ADGRA2: variants seen among roughly 807,000 people sequenced by gnomAD.
ADGRA2 encodes adhesion G protein-coupled receptor A2.
ADGRA2 carries 61 observed loss-of-function variants against 98.7 expected under a neutral mutation model. That is an observed-to-expected ratio of 0.62 (90% CI 0.50 to 0.76). The LOEUF (loss-of-function observed/expected upper bound fraction) is 0.76, where lower values mean the gene tolerates loss of function less well. ADGRA2 is among the 30% of genes least tolerant of loss of function. The pLI, the probability that ADGRA2 is intolerant of heterozygous loss-of-function variation, is 0.00. For synonymous variants in ADGRA2, 858 were observed against 831.5 expected (o/e 1.03, Z -0.55); for missense variants, 1,712 against 1,860.0 (o/e 0.92, Z 1.46).
rs1804371107 is a variant in ADGRA2 at position 37,797,598 on chromosome 8, G to A, written c.266+64G>A. 2 of 1,256,860 alleles carry A rather than the reference G, an allele frequency of 1.6e-6. No individual in the cohort carries two copies. Among genetic ancestry groups the A allele is most frequent in the Admixed American group, 4.0e-5 (1 of 25,202 alleles). 77.9% of individuals were successfully genotyped at this position (1,256,860 alleles called of 1,614,324 possible). On this transcript the variant is annotated intron_variant, in intron 1 of 18. Coordinates refer to ENST00000412232, the MANE Select transcript of ADGRA2 (RefSeq NM_032777.10). This position sits in a 1 kb window ranked among gnomAD's most constrained non-coding sequence, Gnocchi z 5.3. ...CTGGGGACGAAGGGAGGCGAGACGG[G>A]AGGGGTGGGAGCAGGGGGAAGGGGG...
At chr8:37,833,908 C>A (rs1297897103) in intron 10 of ADGRA2, 59 bp from the exon 11 acceptor site, 11 of 1,605,022 alleles carry the variant, frequency 6.9e-6, no homozygotes, top group Non-Finnish European at 9.4e-6. Flanking sequence ...CTCTCTCTCA[C>A]TCCAGCTCCT....
In ADGRA2 at chr8:37,797,466, G is replaced by A; in HGVS notation, c.198G>A (p.Val66=). 2.1e-6 allele frequency: 3 copies of A among 1,425,764 alleles called. No homozygotes were observed. In the South Asian group the frequency reaches 4.8e-5, roughly 23 times the overall value. The allele number at this position is 1,425,764 out of a possible 1,614,324, so 88.3% of individuals were successfully genotyped here. A position where few individuals can be genotyped will look rare whatever the true frequency, so the allele number is the denominator to read the frequency against. ...TCCCTGGCCCGGCTCGGCGGAGGGT[G>A]GTGTGCAGCGGCGGGGACCTCCCGG... The part of the protein sequence containing the change: ...GGVPGPARRR[V]VCSGGDLPEP... The change falls in exon 1 of 19, where the codon GTG becomes GTA. Residue 66 remains valine (V), a synonymous_variant. Coordinates refer to ENST00000412232, the MANE Select transcript of ADGRA2 (RefSeq NM_032777.10). This position sits in a 1 kb window ranked among gnomAD's most constrained non-coding sequence, Gnocchi z 5.3.
chr8:37,841,948 C>T lies in ADGRA2; in HGVS notation c.3610C>T (p.Leu1204=). The change falls in exon 19 of 19, where the codon CTG becomes TTG. Residue 1204 remains leucine (L), a synonymous_variant. Coordinates refer to ENST00000412232, the MANE Select transcript of ADGRA2 (RefSeq NM_032777.10). The surrounding 1 kb of genome is among the most constrained non-coding windows in gnomAD (Gnocchi z 5.0). ...CTGCGGCAAGAACCGGCTCAAGGCC[C>T]TGCGCGGGGGCGCGGCGGGGGCGCT... ...EACGKNRLKA[L]RGGAAGALEL... The T allele has an allele frequency of 6.6e-7, 1 of 1,509,200 alleles. No individual in the cohort carries two copies. The allele number at this position is 1,509,200 out of a possible 1,614,324, so 93.5% of individuals were successfully genotyped here.
chr8:37,822,314 C>A (rs1805148659), intron 2 of ADGRA2, among the ~76,000 whole-genome samples: 1 of 151,872 alleles, frequency 6.6e-6, no homozygotes, highest in African/African-American at 2.4e-5. Context: ...GTTTTCAAAC[C>A]CACAAGCAGG....
At chr8:37,807,816 T>TCCCTAG (rs1804721866) in intron 1 of ADGRA2, among the ~76,000 whole-genome samples, 3 of 152,132 alleles carry the variant, frequency 2.0e-5, no homozygotes, top group Non-Finnish European at 2.9e-5. Flanking sequence ...CTAGGGAGTA[T>TCCCTAG]GGATATCCCA....
chr8:37,804,353 T>G (rs1248247838), intron 1 of ADGRA2, among the ~76,000 whole-genome samples: 2 of 152,058 alleles, frequency 1.3e-5, no homozygotes, highest in African/African-American at 4.8e-5. Context: ...CCACCCTCAG[T>G]CTCAAACAGT....
At chr8:37,835,851 C>A in intron 13 of ADGRA2, 81 bp downstream of exon 13, 2 of 834,432 alleles carry the variant, frequency 2.4e-6, no homozygotes, top group Non-Finnish European at 3.9e-6. Flanking sequence ...CCTTCCCTGG[C>A]CCACAGCCCC....
chr8:37,817,285 G>A (rs571305482), intron 2 of ADGRA2, among the ~76,000 whole-genome samples: 28 of 152,302 alleles, frequency 1.8e-4, no homozygotes, highest in African/African-American at 6.3e-4. Context: ...TGGAGTAGCA[G>A]GGCGACCCGG....
chr8:37,816,713 C>T (rs375752534), intron 2 of ADGRA2, among the ~76,000 whole-genome samples: 1 of 150,390 alleles, frequency 6.6e-6, no homozygotes, highest in East Asian at 2.0e-4. Flanking sequence ...GTCAGGAGTT[C>T]GAGACCAGCC....
At chr8:37,831,959 C>T (rs1585399456) in intron 8 of ADGRA2, among the ~76,000 whole-genome samples, 1 of 152,174 alleles carries the variant, frequency 6.6e-6, no homozygotes, top group East Asian at 1.9e-4. Context: ...ACTCAGGAGG[C>T]TGAGGCAGGA....
intron 2 of ADGRA2, among the ~76,000 whole-genome samples, chr8:37,820,330 A>G (rs1196463824): frequency 6.6e-6 from 1 of 152,214 alleles, no homozygotes; most frequent in Non-Finnish European, 1.5e-5. Context: ...ATCCCCCCAG[A>G]AGGAGAGGGC....
chr8:37,834,000 C>A lies in ADGRA2; in HGVS notation c.1480C>A (p.Leu494Met). The A allele has an allele frequency of 6.2e-7, 1 of 1,613,152 alleles. No homozygotes were observed. The highest frequency in any genetic ancestry group is 8.5e-7 in the Non-Finnish European group (1 of 1,179,900). Residue 494 changes from leucine to methionine, a missense_variant, in exon 11 of 19, where the codon CTG becomes ATG. Coordinates refer to ENST00000412232, the MANE Select transcript of ADGRA2 (RefSeq NM_032777.10). Reference protein sequence around the residue: ...VEVMVDMASNLMLVDEHLLWL... With the variant: ...VEVMVDMASNMMLVDEHLLWL... ...GGTGATGGTGGACATGGCCAGCAAC[C>A]TGATGCTGGTGGACGAGCACCTGCT... is the stretch of plus-strand genomic sequence containing the variant.
intron 1 of ADGRA2, among the ~76,000 whole-genome samples, chr8:37,799,959 A>T (rs1376204117): frequency 1.3e-5 from 2 of 152,082 alleles, no homozygotes; most frequent in Admixed American, 1.3e-4. Context: ...AAGAAAAAGA[A>T]CCCAGGCTCT....
chr8:37,838,278 A>G, intron 14 of ADGRA2, among the ~76,000 whole-genome samples: 2 of 134,580 alleles, frequency 1.5e-5, no homozygotes, highest in African/African-American at 5.7e-5. Context: ...TTTTAGACGG[A>G]GTCTGGCTTT....
chr8:37,844,859 G>A lies in ADGRA2; in HGVS notation c.*2504G>A, dbSNP rs777703964. 12 of 1,614,012 alleles carry A rather than the reference G, an allele frequency of 7.4e-6. No homozygotes were observed. Among genetic ancestry groups the A allele is most frequent in the Non-Finnish European group, 8.5e-6 (10 of 1,180,038 alleles). Reference sequence around the variant, plus strand: ...ACTGGCGGTGCTGGAGAAGGTCACCGATGTGCTTCACCACAGACCGTTTGT... The same window carrying A: ...ACTGGCGGTGCTGGAGAAGGTCACCAATGTGCTTCACCACAGACCGTTTGT... On this transcript the variant is annotated 3_prime_UTR_variant, in exon 19 of 19. Coordinates refer to ENST00000412232, the MANE Select transcript of ADGRA2 (RefSeq NM_032777.10).
At position 37,797,419 on chromosome 8, in the gene ADGRA2, C is replaced by A; in HGVS notation, c.151C>A (p.Pro51Thr). The A allele has an allele frequency of 7.0e-7, 1 of 1,426,994 alleles. No homozygotes were observed. 88.4% of individuals were successfully genotyped at this position (1,426,994 alleles called of 1,614,324 possible). A position where few individuals can be genotyped will look rare whatever the true frequency, so the allele number is the denominator to read the frequency against. ...CAGCTGCAAGTGCTCGGGGGAGCGG[C>A]CCAAGGGGCTGAGCGGCGGCGTCCC... is the stretch of plus-strand genomic sequence containing the variant. Reference protein sequence around the residue: ...IRSCKCSGERPKGLSGGVPGP... With the variant: ...IRSCKCSGERTKGLSGGVPGP... Residue 51 changes from proline to threonine, a missense_variant, in exon 1 of 19, where the codon CCC becomes ACC. Coordinates refer to ENST00000412232, the MANE Select transcript of ADGRA2 (RefSeq NM_032777.10). The surrounding 1 kb of genome is among the most constrained non-coding windows in gnomAD (Gnocchi z 5.3).
In ADGRA2 at chr8:37,831,540, C is replaced by T. The variant is rs760582802; in HGVS notation, c.1050C>T (p.Ala350=). ...AGATCGTGGTGCTGGAGACCTCTGC[C>T]TCCTACTGCCCCGCCGAGCGTGTTG... is the stretch of plus-strand genomic sequence containing the variant. The part of the protein sequence containing the change: ...KVEIVVLETS[A]SYCPAERVAN... Residue 350 remains alanine (A), a synonymous_variant, in exon 8 of 19, where the codon GCC becomes GCT. Coordinates refer to ENST00000412232, the MANE Select transcript of ADGRA2 (RefSeq NM_032777.10). 1.2e-6 allele frequency: 2 copies of T among 1,613,628 alleles called. No individual in the cohort carries two copies. The highest frequency in any genetic ancestry group is 1.1e-5 in the South Asian group (1 of 91,070).
At chr8:37,803,593 C>CA (rs1804569261) in intron 1 of ADGRA2, among the ~76,000 whole-genome samples, 2 of 152,312 alleles carry the variant, frequency 1.3e-5, no homozygotes, top group South Asian at 4.2e-4. Context: ...CAGGGGCCCC[C>CA]ATCCTTCCCA....
In ADGRA2 at chr8:37,834,231, G is replaced by C. The variant is rs753148485; in HGVS notation, c.1608+103G>C. The C allele has an allele frequency of 5.4e-6, 6 of 1,110,414 alleles. No individual in the cohort carries two copies. Among genetic ancestry groups the C allele is most frequent in the Admixed American group, 4.9e-5 (2 of 40,978 alleles). 68.8% of individuals were successfully genotyped at this position (1,110,414 alleles called of 1,614,324 possible). A position where few individuals can be genotyped will look rare whatever the true frequency, so the allele number is the denominator to read the frequency against. On this transcript the variant is annotated intron_variant, in intron 11 of 18. Transcript: ENST00000412232. This position sits in a 1 kb window ranked among gnomAD's most constrained non-coding sequence, Gnocchi z 4.2. ...GCCCCAGCTAGCAAGAGCAGCAGAC[G>C]TGACAAAGTTCTGAGCCATGGGGTT...
Sources: allele counts gnomAD v4.1 joint callset (sites outside exome capture counted in the v4.1 genomes callset), GRCh38; gene constraint gnomAD v4.1.1; non-coding constraint Gnocchi (gnomAD v3.1); transcripts MANE v1.5; gene names NCBI Gene and HGNC (gene_info 2026-07-23, HGNC 2026-07-21).